FAM184B: variants seen among roughly 807,000 people sequenced by gnomAD.
The protein encoded by FAM184B is family with sequence similarity 184 member B.
Under a neutral mutation model 135.9 loss-of-function variants are expected in FAM184B, and 111 were observed. That is an observed-to-expected ratio of 0.82 (90% confidence interval 0.70 to 0.96). The LOEUF (loss-of-function observed/expected upper bound fraction) is 0.96, where lower values mean the gene tolerates loss of function less well. Among genes scored for constraint, FAM184B ranks in the 40% least tolerant of loss-of-function variants. The probability of loss-of-function intolerance (pLI) is 0.00; values close to 1 mark genes in which losing one functional copy is unlikely to be tolerated. For missense variants in FAM184B, 1,375 were observed against 1,323.9 expected, an observed-to-expected ratio of 1.04 and a Z score of -0.60; for synonymous variants, 552 against 524.8, an observed-to-expected ratio of 1.05 and a Z score of -0.71.
chr4:17,726,083 C>A (rs1387441412), intron 1 of FAM184B, among the ~76,000 whole-genome samples: 1 of 151,586 alleles, frequency 6.6e-6, no homozygotes, highest in Non-Finnish European at 1.5e-5. Flanking sequence ...GCCACCACGC[C>A]CAGCTAATTT....
Position 17,658,619 on chromosome 4 carries a change from T to C in FAM184B, c.1825-57A>G, listed in dbSNP as rs2302390. 28,070 of 1,488,464 alleles carry C rather than the reference T, an allele frequency of 0.019. 1,878 individuals carry two copies. The African/African-American group carries it at 0.2, about 11-fold the overall frequency. 92.2% of individuals were successfully genotyped at this position (1,488,464 alleles called of 1,614,324 possible). On this transcript the variant is annotated intron_variant, in intron 9 of 17. Coordinates refer to ENST00000265018, the MANE Select transcript of FAM184B (RefSeq NM_015688.2). Reference sequence around the variant, plus strand: ...GCCCCTTGCCTTTCCTGGGATGTTTTCTTCAAATAAAAGCTTTCTAAATGT... The same window carrying C: ...GCCCCTTGCCTTTCCTGGGATGTTTCCTTCAAATAAAAGCTTTCTAAATGT...
intron 1 of FAM184B, among the ~76,000 whole-genome samples, chr4:17,728,753 T>A (rs533903959): frequency 4.9e-4 from 75 of 152,178 alleles, no homozygotes; most frequent in African/African-American, 1.3e-3. Context: ...TTAAATTTTT[T>A]AAAAAAAATT....
chr4:17,720,475 A>G (rs767874412), intron 1 of FAM184B, among the ~76,000 whole-genome samples: 41 of 152,238 alleles, frequency 2.7e-4, no homozygotes, highest in Non-Finnish European at 5.1e-4. Flanking sequence ...TAGAATGGCT[A>G]TCATCACAAA....
At position 17,630,816 on chromosome 4, in the gene FAM184B, T is replaced by C. The variant is rs1256256781; in HGVS notation, c.*1716A>G. ...TAAGATGGTGTGATTGAGGTTAATG[T>C]GAACTGAACTTTCTATTTCTAAGCT... is the stretch of plus-strand genomic sequence containing the variant. On this transcript the variant is annotated 3_prime_UTR_variant, in exon 18 of 18. Coordinates refer to ENST00000265018, the MANE Select transcript of FAM184B (RefSeq NM_015688.2). 1 of 152,120 alleles carries C rather than the reference T, an allele frequency of 6.6e-6. No homozygotes were observed. Among genetic ancestry groups the C allele is most frequent in the African/African-American group, 2.4e-5 (1 of 41,424 alleles). 9.4% of individuals were successfully genotyped at this position (152,120 alleles called of 1,614,324 possible).
At chr4:17,648,308 C>T (rs937709784) in intron 11 of FAM184B, among the ~76,000 whole-genome samples, 1 of 151,800 alleles carries the variant, frequency 6.6e-6, no homozygotes, top group Non-Finnish European at 1.5e-5. Context: ...CTTCTGGGGG[C>T]GATGGTCTCA....
At chr4:17,722,524 A>G (rs1717553275) in intron 1 of FAM184B, among the ~76,000 whole-genome samples, 2 of 152,248 alleles carry the variant, frequency 1.3e-5, no homozygotes, top group Non-Finnish European at 2.9e-5. Flanking sequence ...CTAGCTGCAC[A>G]TGGCATTGAA....
At chr4:17,640,407 C>T (rs1000349683) in intron 13 of FAM184B, among the ~76,000 whole-genome samples, 17 of 149,926 alleles carry the variant, frequency 1.1e-4, no homozygotes, top group African/African-American at 4.2e-4. Flanking sequence ...TCACTTGAAC[C>T]TGGGAGGTGG....
chr4:17,735,482 A>G (rs1691013406), intron 1 of FAM184B, among the ~76,000 whole-genome samples: 1 of 152,162 alleles, frequency 6.6e-6, no homozygotes, highest in South Asian at 2.1e-4. Context: ...AAACCCTGAC[A>G]TGATATGAAC....
At chr4:17,634,884 G>GC (rs1715073963) in intron 16 of FAM184B, 125 bp downstream of exon 16, 2 of 521,720 alleles carry the variant, frequency 3.8e-6, no homozygotes, top group Non-Finnish European at 6.6e-6. Flanking sequence ...AAACAAGTGG[G>GC]TTTTTTTTTT....
intron 1 of FAM184B, among the ~76,000 whole-genome samples, chr4:17,757,507 A>G (rs1718448994): frequency 6.6e-6 from 1 of 152,190 alleles, no homozygotes; most frequent in Non-Finnish European, 1.5e-5. Context: ...TTTCAGTGTG[A>G]TAATGGCATT....
chr4:17,723,949 C>A (rs1260518292), intron 1 of FAM184B, among the ~76,000 whole-genome samples: 1 of 152,154 alleles, frequency 6.6e-6, no homozygotes, highest in African/African-American at 2.4e-5. Flanking sequence ...GTCATCACAT[C>A]CGGGGCAGCA....
chr4:17,659,843 C>T (rs1156432208), intron 9 of FAM184B, 115 bp downstream of exon 9: 2 of 1,363,312 alleles, frequency 1.5e-6, no homozygotes, highest in East Asian at 5.1e-5. Flanking sequence ...TGCCCTGGTC[C>T]TGTAATGCCT....
intron 1 of FAM184B, among the ~76,000 whole-genome samples, chr4:17,771,106 T>A (rs1718810398): frequency 6.6e-6 from 1 of 152,242 alleles, no homozygotes; most frequent in Non-Finnish European, 1.5e-5. Flanking sequence ...TCTTGCGTCA[T>A]TTCTCTTGGG....
chr4:17,673,354 G>A (rs1716222542), intron 7 of FAM184B, among the ~76,000 whole-genome samples: 1 of 152,160 alleles, frequency 6.6e-6, no homozygotes, highest in Non-Finnish European at 1.5e-5. Context: ...AAAACAGTGT[G>A]GAGATTCCTT....
intron 10 of FAM184B, among the ~76,000 whole-genome samples, chr4:17,657,975 T>C (rs10029173): frequency 0.62 from 94,538 of 152,030 alleles, 29,840 homozygotes; most frequent in East Asian, 0.89. Context: ...TCTTTCTCAA[T>C]TCTGTGCTGC....
At chr4:17,634,277 G>A (rs1273518188) in intron 16 of FAM184B, among the ~76,000 whole-genome samples, 1 of 152,178 alleles carries the variant, frequency 6.6e-6, no homozygotes, top group Non-Finnish European at 1.5e-5. Flanking sequence ...TACACGAGAT[G>A]ACATTAGTTA....
At chr4:17,638,838 C>T (rs1255854273) in intron 14 of FAM184B, among the ~76,000 whole-genome samples, 3 of 152,078 alleles carry the variant, frequency 2.0e-5, no homozygotes. Context: ...CTAGTTCCCC[C>T]CACCACACCC....
chr4:17,641,986 G>A, intron 13 of FAM184B, 70 bp downstream of exon 13: 8 of 1,442,478 alleles, frequency 5.5e-6, no homozygotes, highest in Admixed American at 2.4e-5. Flanking sequence ...GCCAGCCGCA[G>A]TAGGGGGAGG....
chr4:17,754,405 G>C (rs1476050135), intron 1 of FAM184B, among the ~76,000 whole-genome samples: 1 of 151,956 alleles, frequency 6.6e-6, no homozygotes, highest in Admixed American at 6.6e-5. Context: ...TACAAAATTA[G>C]CCAGGCATGG....
Sources: gnomAD v4.1 joint callset for allele counts (sites outside exome capture counted in the v4.1 genomes callset) on GRCh38, gnomAD v4.1.1 for gene constraint, MANE v1.5 for transcripts, NCBI Gene and HGNC (gene_info 2026-07-23, HGNC 2026-07-21) for gene names.